The following FAT2 variants were observed in gnomAD, a reference collection of about 807,000 sequenced individuals.
FAT2 encodes FAT atypical cadherin 2, also known as protocadherin Fat 2.
A neutral mutation model predicts 295.3 loss-of-function variants in FAT2; 150 were observed. The ratio of observed to expected loss-of-function variants is 0.51; its 90% CI spans 0.44 to 0.58. The LOEUF is 0.58. Ranked by LOEUF, FAT2 falls within the 20% of genes least tolerant of loss-of-function variation. FAT2 has a pLI of 0.00. For missense variants in FAT2, 4,868 were observed against 5,442.7 expected, an observed-to-expected ratio of 0.89 and a Z score of 3.32; for synonymous variants, 2,026 against 2,150.3, an observed-to-expected ratio of 0.94 and a Z score of 1.60.
chr5:151,566,626 G>A lies in FAT2; in HGVS notation c.2306C>T (p.Thr769Ile). Residue 769 changes from threonine (T) to isoleucine (I), a missense_variant, in exon 2 of 24, where the codon ACA becomes ATA. Thr to Ile is a moderately conservative substitution (Grantham distance 89, BLOSUM62 -1). Coordinates refer to ENST00000261800, the MANE Select transcript of FAT2 (RefSeq NM_001447.3). ...EEGCFDIELE[T>I]GLLTVAAPLD... ...GGGAGCAGCTACAGTGAGCAGCCCT[G>A]TCTCCAGCTCTATGTCAAAGCAGCC... 1 of 1,614,178 alleles carries A rather than the reference G, an allele frequency of 6.2e-7. No homozygotes were observed. The highest frequency in any genetic ancestry group is 8.5e-7 in the Non-Finnish European group (1 of 1,180,032).
Position 151,527,352 on chromosome 5 carries a change from C to T in FAT2, c.10190G>A (p.Arg3397Gln), listed in dbSNP as rs997471377. The change falls in exon 17 of 24, where the codon CGA (arginine) becomes CAA (glutamine). Residue 3397 changes from arginine to glutamine, a missense_variant. This residue lies in a region of FAT2 where 1,046 missense variants were observed against 1,210.1 expected (regional missense o/e 0.86). Transcript: ENST00000261800. ...EQASSYSLKLRATDSGQPPLH... is the reference protein window; with the variant it reads ...EQASSYSLKLQATDSGQPPLH... Reference sequence around the variant, plus strand: ...TGGAGGCTGCCCACTGTCTGTGGCTCGGAGCTTCAGGGAATAACTAGAGGC... The same window carrying T: ...TGGAGGCTGCCCACTGTCTGTGGCTTGGAGCTTCAGGGAATAACTAGAGGC... 5.6e-6 allele frequency: 9 copies of T among 1,609,752 alleles called. No homozygotes were observed. The highest frequency in any genetic ancestry group is 2.7e-5 in the African/African-American group (2 of 74,514).
At chr5:151,529,795 A>G (rs1754394737) in intron 14 of FAT2, among the ~76,000 whole-genome samples, 1 of 152,226 alleles carries the variant, frequency 6.6e-6, no homozygotes, top group African/African-American at 2.4e-5. Context: ...CCCAGCTAGT[A>G]AATGACAGAC....
intron 20 of FAT2, among the ~76,000 whole-genome samples, chr5:151,513,979 T>G (rs1488012400): frequency 6.6e-6 from 1 of 152,194 alleles, no homozygotes; most frequent in Non-Finnish European, 1.5e-5. Context: ...GTTAAAACAT[T>G]TTAATTCACT....
At position 151,566,435 on chromosome 5, in the gene FAT2, T is replaced by C. The variant is rs188879170; in HGVS notation, c.2497A>G (p.Thr833Ala). The C allele has an allele frequency of 6.8e-5, 109 of 1,613,464 alleles. No individual in the cohort carries two copies. The East Asian group carries it at 2.2e-3, about 32-fold the overall frequency. Residue 833 changes from threonine to alanine, a missense_variant, in exon 2 of 24, where the codon ACA becomes GCA. By Grantham distance (58) the Thr-to-Ala change is moderately conservative (BLOSUM62 0). This residue lies in a region of FAT2 where 3,297 missense variants were observed against 3,669.4 expected (regional missense o/e 0.90). Transcript: ENST00000261800. Reference sequence around the variant, plus strand: ...TCTGCAATTGTGGTTCCAACTTCTGTGTCCTCCGAGATGGTTAACTGGTAC... The same window carrying C: ...TCTGCAATTGTGGTTCCAACTTCTGCGTCCTCCGAGATGGTTAACTGGTAC... ...GGYQLTISED[T>A]EVGTTIAELT... is the part of the protein sequence containing the mutation.
chr5:151,587,975 G>A (rs928190347), intron 1 of FAT2, among the ~76,000 whole-genome samples: 7 of 152,214 alleles, frequency 4.6e-5, no homozygotes, highest in Non-Finnish European at 1.5e-5. Context: ...TTGAGTGCGT[G>A]CCAACCCAGG....
chr5:151,549,203 C>T, intron 9 of FAT2, 92 bp downstream of exon 9: 1 of 1,207,018 alleles, frequency 8.3e-7, no homozygotes, highest in Non-Finnish European at 1.2e-6. Context: ...GAGCTTGGTA[C>T]TTGATTAATT....
chr5:151,553,331 A>G lies in FAT2; in HGVS notation c.4002T>C (p.Ile1334=), dbSNP rs143461921. ...PPLSASVRLH[I]EWIPWPRPSS... is the part of the protein sequence containing the mutation. ...ACGGCCGGGGCCAAGGGATCCACTC[A>G]ATGTGTAGCCGGACACTGGCTGAGA... The change falls in exon 6 of 24, where the codon ATT becomes ATC. Residue 1334 remains isoleucine (I), a synonymous_variant. Coordinates refer to ENST00000261800, the MANE Select transcript of FAT2 (RefSeq NM_001447.3). 1.2e-5 allele frequency: 19 copies of G among 1,614,124 alleles called. No homozygotes were observed. The highest frequency in any genetic ancestry group is 1.5e-5 in the Non-Finnish European group (18 of 1,180,048).
intron 22 of FAT2, 51 bp downstream of exon 22, chr5:151,509,970 A>G (rs372553773): frequency 7.5e-6 from 12 of 1,594,384 alleles, no homozygotes; most frequent in African/African-American, 1.4e-5. Flanking sequence ...CAGAGTACAG[A>G]GCGCATTCCC....
chr5:151,548,424 C>A (rs2127617667), intron 9 of FAT2, among the ~76,000 whole-genome samples: 1 of 152,110 alleles, frequency 6.6e-6, no homozygotes, highest in Non-Finnish European at 1.5e-5. Flanking sequence ...TAACACTTAT[C>A]AATGATAGTA....
intron 10 of FAT2, 39 bp from the exon 11 acceptor site, chr5:151,540,802 A>G (rs2127603058): frequency 6.4e-7 from 1 of 1,570,720 alleles, no homozygotes; most frequent in East Asian, 2.3e-5. Context: ...GCCAAGCAAT[A>G]GGAATGAACT....
intron 19 of FAT2, among the ~76,000 whole-genome samples, chr5:151,519,119 A>G (rs1753181358): frequency 6.6e-6 from 1 of 152,224 alleles, no homozygotes; most frequent in Admixed American, 6.5e-5. Flanking sequence ...CAAGACAGGC[A>G]GATCACCTGA....
Position 151,544,537 on chromosome 5 carries a change from C to G in FAT2, c.6590G>C (p.Ser2197Thr), listed in dbSNP as rs896084651. The G allele has an allele frequency of 6.2e-6, 10 of 1,613,926 alleles. No individual in the cohort carries two copies. The highest frequency in any genetic ancestry group is 7.6e-6 in the Non-Finnish European group (9 of 1,180,002). Residue 2197 changes from serine (S) to threonine (T), a missense_variant, in exon 10 of 24, where the codon AGT becomes ACT. Transcript: ENST00000261800. The part of the protein sequence containing the change: ...YTPILHTQAR[S>T]PEGLRLIYNI... ...GTAGATGAGCCGGAGTCCCTCTGGA[C>G]TCCGGGCCTGGGTGTGGAGAATTGG... is the stretch of plus-strand genomic sequence containing the variant.
intron 19 of FAT2, among the ~76,000 whole-genome samples, chr5:151,519,389 T>G (rs960525570): frequency 1.3e-5 from 2 of 152,148 alleles, no homozygotes; most frequent in African/African-American, 4.8e-5. Context: ...TCCCTGACAC[T>G]GGCAATTCCA....
In FAT2 at chr5:151,550,617, C is replaced by T. The variant is rs1165863644; in HGVS notation, c.4551G>A (p.Gly1517=). Residue 1517 remains glycine, a synonymous_variant, in exon 8 of 24, where the codon GGG becomes GGA. Transcript: ENST00000261800. ...VTVGKLDLGS[G]PSQHTLTVMV... The stretch of plus-strand genomic sequence containing the variant: ...TGACTGTCAGTGTGTGCTGGGAGGG[C>T]CCCGAGCCGAGGTCCAATTTTCCCA... 6.2e-7 allele frequency: 1 copy of T among 1,614,144 alleles called. No individual in the cohort carries two copies. The highest frequency in any genetic ancestry group is 1.7e-5 in the Admixed American group (1 of 60,018).
intron 1 of FAT2, among the ~76,000 whole-genome samples, 150 bp downstream of exon 1, chr5:151,591,015 C>G (rs1018819820): frequency 2.0e-5 from 3 of 152,244 alleles, no homozygotes; most frequent in African/African-American, 7.2e-5. Context: ...ATGTCCCTGT[C>G]TTCCCTCTCT....
chr5:151,585,420 C>G (rs1581477754), intron 1 of FAT2, among the ~76,000 whole-genome samples: 1 of 152,222 alleles, frequency 6.6e-6, no homozygotes, highest in Non-Finnish European at 1.5e-5. Flanking sequence ...CGAGACCAGC[C>G]CGACCAACAT....
rs1175802117 is a variant in FAT2 at position 151,531,687 on chromosome 5, C to T, written c.9711G>A (p.Val3237=). Residue 3237 remains valine (V), a synonymous_variant, in exon 14 of 24, where the codon GTG becomes GTA. Transcript: ENST00000261800. The surrounding 1 kb of genome is among the most constrained non-coding windows in gnomAD (Gnocchi z 5.7). ...VPEDAPPGTE[V]LQLATLTRPG... is the part of the protein sequence containing the mutation. ...GGCGAGTGAGGGTGGCCAGCTGCAG[C>T]ACCTCCGTGCCAGGTGGGGCGTCCT... The T allele has an allele frequency of 6.2e-7, 1 of 1,613,828 alleles. No homozygotes were observed. The highest frequency in any genetic ancestry group is 1.1e-5 in the South Asian group (1 of 91,052).
intron 1 of FAT2, among the ~76,000 whole-genome samples, chr5:151,572,087 C>T (rs1758555837): frequency 6.6e-6 from 1 of 152,330 alleles, no homozygotes; most frequent in Admixed American, 6.5e-5. Context: ...AGTAGACTTC[C>T]TGTCAATTCC....
In FAT2 at chr5:151,537,964, A is replaced by G. The variant is rs1359635628; in HGVS notation, c.9040-18T>C. 1 of 1,612,050 alleles carries G rather than the reference A, an allele frequency of 6.2e-7. No homozygotes were observed. The highest frequency in any genetic ancestry group is 1.1e-5 in the South Asian group (1 of 90,624). On this transcript the variant is annotated intron_variant, in intron 11 of 23. Transcript: ENST00000261800. ...TAGAGAAGCTAGAGATGGAAAGACAAAGAAGAGGGAGACTGTGGGGACTGC... is the reference window on the plus strand; with the variant it reads ...TAGAGAAGCTAGAGATGGAAAGACAGAGAAGAGGGAGACTGTGGGGACTGC...
Sources: allele counts gnomAD v4.1 joint callset (sites outside exome capture counted in the v4.1 genomes callset), GRCh38; gene constraint gnomAD v4.1.1; regional missense constraint gnomAD v4.1.1; non-coding constraint Gnocchi (gnomAD v3.1); transcripts MANE v1.5; gene names NCBI Gene and HGNC (gene_info 2026-07-23, HGNC 2026-07-21).